The following CEP192 variants were observed in gnomAD, a reference collection of about 807,000 sequenced individuals.
CEP192 encodes centrosomal protein of 192 kDa.
A neutral mutation model predicts 271.8 loss-of-function variants in CEP192; 151 were observed. That is an observed-to-expected ratio of 0.56 (90% CI 0.49 to 0.64). The LOEUF (loss-of-function observed/expected upper bound fraction) is 0.64, where lower values mean the gene tolerates loss of function less well. Among genes scored for constraint, CEP192 ranks in the 30% least tolerant of loss-of-function variants. The pLI is 0.00. For missense variants in CEP192, 2,910 were observed against 3,020.5 expected, an observed-to-expected ratio of 0.96 and a Z score of 0.86; for synonymous variants, 995 against 1,076.5, an observed-to-expected ratio of 0.92 and a Z score of 1.48.
At chr18:13,071,735 A>G (rs1422990783) in intron 28 of CEP192, among the ~76,000 whole-genome samples, 1 of 151,068 alleles carries the variant, frequency 6.6e-6, no homozygotes, top group African/African-American at 2.4e-5. Flanking sequence ...TTTTTTTTTG[A>G]GACTCCCTGT....
At chr18:13,103,843 C>G in intron 39 of CEP192, 1 of 554,472 alleles carries the variant, frequency 1.8e-6, no homozygotes, top group South Asian at 1.5e-5. Flanking sequence ...GTGTGCACCA[C>G]CATGTCCAGC....
intron 4 of CEP192, 111 bp from the exon 5 acceptor site, chr18:13,012,862 G>A (rs2034441690): frequency 8.1e-6 from 5 of 614,314 alleles, no homozygotes; most frequent in Non-Finnish European, 1.4e-5. Context: ...ATTTAAAAGT[G>A]CTTTTATTCT....
intron 40 of CEP192, among the ~76,000 whole-genome samples, chr18:13,111,590 A>G (rs1240100276): frequency 1.3e-5 from 2 of 152,240 alleles, no homozygotes; most frequent in East Asian, 3.8e-4. Flanking sequence ...GGTTTCTTAG[A>G]TTTGACACCA....
chr18:13,108,011 C>T (rs1469923593), intron 40 of CEP192, among the ~76,000 whole-genome samples: 3 of 152,044 alleles, frequency 2.0e-5, no homozygotes, highest in Non-Finnish European at 2.9e-5. Flanking sequence ...CTACAGCCAT[C>T]TGATCTTCAA....
chr18:13,116,549 C>A, intron 43 of CEP192, 46 bp downstream of exon 43: 1 of 1,495,682 alleles, frequency 6.7e-7, no homozygotes, highest in Non-Finnish European at 9.1e-7. Context: ...TACATGCATT[C>A]AACTCTGATA....
Position 13,099,569 on chromosome 18 carries a change from C to G in CEP192, c.6651C>G (p.Asp2217Glu), listed in dbSNP as rs141720115. The change falls in exon 37 of 45, where the codon GAC (aspartate) becomes GAG (glutamate). Residue 2217 changes from aspartate (D) to glutamate (E), a missense_variant. Physicochemically the swap from Asp to Glu is conservative, Grantham distance 45 (BLOSUM62 2). Transcript: ENST00000506447. ...GTGGTTTGATCTATATACACTGTGA[C>G]GATGGACAGAAGGTACTTTTAAAAG... The part of the protein sequence containing the change: ...PWSGLIYIHC[D>E]DGQKKIVKVQ... 3 of 1,539,556 alleles carry G rather than the reference C, an allele frequency of 1.9e-6. No homozygotes were observed. The highest frequency in any genetic ancestry group is 2.6e-6 in the Non-Finnish European group (3 of 1,139,500).
intron 38 of CEP192, among the ~76,000 whole-genome samples, chr18:13,102,206 C>T (rs961884336): frequency 2.6e-5 from 4 of 152,066 alleles, no homozygotes; most frequent in Admixed American, 6.5e-5. Context: ...TGTCACTCTT[C>T]CTAACTCTTG....
intron 14 of CEP192, among the ~76,000 whole-genome samples, chr18:13,041,331 TATA>T (rs1011219655): frequency 2.0e-5 from 3 of 152,184 alleles, no homozygotes; most frequent in African/African-American, 4.8e-5. Flanking sequence ...TTATGATAAA[TATA>T]ATATTTTTAA....
In CEP192 at chr18:13,115,310, T is replaced by C. The variant is rs532268822; in HGVS notation, c.7289+1059T>C. Among the ~76,000 whole-genome samples the C allele has an allele frequency of 6.7e-3, 1,013 of 152,224 alleles. 1 individual carries two copies. Among genetic ancestry groups the C allele is most frequent in the South Asian group, 0.011 (54 of 4,816 alleles). ...GGGAGAAGTGACAGAGGCAGCTTGG[T>C]CTGTGAAACCTGGGAAGGAGTTCCC... On this transcript the variant is annotated intron_variant, in intron 42 of 44. Transcript: ENST00000506447.
At chr18:13,066,542 T>C (rs1350139513) in intron 21 of CEP192, among the ~76,000 whole-genome samples, 3 of 152,244 alleles carry the variant, frequency 2.0e-5, no homozygotes, top group Admixed American at 6.5e-5. Context: ...TTGAGAGTAC[T>C]TTTGCAGAAA....
At position 13,057,620 on chromosome 18, in the gene CEP192, C is replaced by T; in HGVS notation, c.4144C>T (p.His1382Tyr). 1 of 1,614,204 alleles carries T rather than the reference C, an allele frequency of 6.2e-7. No homozygotes were observed. Among genetic ancestry groups the T allele is most frequent in the Non-Finnish European group, 8.5e-7 (1 of 1,180,022 alleles). The change falls in exon 20 of 45, where the codon CAT (histidine) becomes TAT (tyrosine). Residue 1382 changes from histidine (H) to tyrosine (Y), a missense_variant. Transcript: ENST00000506447. The stretch of plus-strand genomic sequence containing the variant: ...AGTGCCCGAGGAGTTGAAGCTTCCT[C>T]ATGCTTGCTGTGTCGGGATCGCTTC... ...VRVPEELKLP[H>Y]ACCVGIASQT...
chr18:13,103,669 AG>A, intron 39 of CEP192, 81 bp downstream of exon 39: 1 of 1,084,554 alleles, frequency 9.2e-7, no homozygotes, highest in African/African-American at 1.5e-5. Context: ...CTATGAGCAT[AG>A]GTTGATATTA....
chr18:13,071,972 T>C (rs772756825), intron 28 of CEP192, among the ~76,000 whole-genome samples: 1 of 152,194 alleles, frequency 6.6e-6, no homozygotes, highest in Non-Finnish European at 1.5e-5. Context: ...ATTAAATAAA[T>C]ACATGAGAAT....
At chr18:13,030,849 G>T (rs1226940338) in intron 11 of CEP192, among the ~76,000 whole-genome samples, 2 of 152,210 alleles carry the variant, frequency 1.3e-5, no homozygotes, top group East Asian at 1.9e-4. Context: ...GTATACTACC[G>T]TGTAGACCCC....
At chr18:12,999,822 C>G (rs9949682) in intron 2 of CEP192, among the ~76,000 whole-genome samples, 1 of 147,448 alleles carries the variant, frequency 6.8e-6, no homozygotes, top group Non-Finnish European at 1.5e-5. Context: ...TTACCTATTT[C>G]GGTCTATTTT....
chr18:13,087,669 T>C, intron 32 of CEP192, 23 bp downstream of exon 32: 1 of 1,225,972 alleles, frequency 8.2e-7, no homozygotes, highest in Non-Finnish European at 1.1e-6. Context: ...TCTTACACAA[T>C]GTTGGGAACC....
chr18:13,010,017 G>A (rs7230391), intron 4 of CEP192, among the ~76,000 whole-genome samples: 55,696 of 151,786 alleles, frequency 0.37, 10,479 homozygotes, highest in Middle Eastern at 0.47. Flanking sequence ...AAATTAGCAG[G>A]GTATAGTGCT....
At chr18:12,994,117 A>G (rs2033062440) in intron 1 of CEP192, among the ~76,000 whole-genome samples, 1 of 152,234 alleles carries the variant, frequency 6.6e-6, no homozygotes, top group African/African-American at 2.4e-5. Flanking sequence ...GTGTTAAGGA[A>G]ATAGTGATGG....
intron 20 of CEP192, 157 bp downstream of exon 20, chr18:13,057,890 G>A (rs931519184): frequency 3.9e-6 from 2 of 511,982 alleles, no homozygotes; most frequent in East Asian, 3.3e-5. Flanking sequence ...TTGTTGTAGT[G>A]CTTGTAGAGT....
Sources: allele counts gnomAD v4.1 joint callset (sites outside exome capture counted in the v4.1 genomes callset), GRCh38; gene constraint gnomAD v4.1.1; transcripts MANE v1.5; gene names NCBI Gene and HGNC (gene_info 2026-07-23, HGNC 2026-07-21).